KCNH7: variants seen among roughly 807,000 people sequenced by gnomAD.
KCNH7 encodes potassium voltage-gated channel subfamily H member 7, also known as voltage-gated inwardly rectifying potassium channel KCNH7.
In KCNH7, 49 loss-of-function variants were observed where a neutral mutation model predicts 120.8. That is an observed-to-expected ratio of 0.41 (90% CI 0.32 to 0.51). The LOEUF (loss-of-function observed/expected upper bound fraction) is 0.51, where lower values mean the gene tolerates loss of function less well. KCNH7 is among the 20% of genes least tolerant of loss of function. The probability of loss-of-function intolerance (pLI) is 0.38; values close to 1 mark genes in which losing one functional copy is unlikely to be tolerated. For missense variants in KCNH7, 1,097 were observed against 1,446.6 expected (o/e 0.76, Z 3.92); for synonymous variants, 547 against 516.1 (o/e 1.06, Z -0.81).
At chr2:162,722,805 C>CTTTTTTTTTT (rs370399268) in intron 2 of KCNH7, among the ~76,000 whole-genome samples, 1 of 79,876 alleles carries the variant, frequency 1.3e-5, no homozygotes, top group African/African-American at 7.6e-5. Context: ...TTCATTCATT[C>CTTTTTTTTTT]TTTTTTTCTT....
chr2:162,401,345 T>C (rs1163393911), intron 9 of KCNH7, among the ~76,000 whole-genome samples: 1 of 151,920 alleles, frequency 6.6e-6, no homozygotes, highest in Non-Finnish European at 1.5e-5. Flanking sequence ...ATTTTTATGT[T>C]GACATTCTCC....
intron 2 of KCNH7, among the ~76,000 whole-genome samples, chr2:162,590,104 G>T (rs1440313430): frequency 2.0e-5 from 3 of 152,198 alleles, no homozygotes; most frequent in African/African-American, 7.2e-5. Flanking sequence ...CAAGTCGGGG[G>T]CAGAAGAGGG....
At chr2:162,661,263 C>T (rs913975616) in intron 2 of KCNH7, among the ~76,000 whole-genome samples, 1 of 152,012 alleles carries the variant, frequency 6.6e-6, no homozygotes, top group Admixed American at 6.6e-5. Context: ...ATTTTTATCC[C>T]TCAAATTTTC....
At chr2:162,549,555 G>A (rs1406734132) in intron 2 of KCNH7, among the ~76,000 whole-genome samples, 6 of 152,170 alleles carry the variant, frequency 3.9e-5, no homozygotes, top group African/African-American at 7.2e-5. Flanking sequence ...ACTATGGTAA[G>A]CCACTGGGAG....
At chr2:162,834,784 T>A (rs1685596928) in intron 2 of KCNH7, among the ~76,000 whole-genome samples, 1 of 152,078 alleles carries the variant, frequency 6.6e-6, no homozygotes, top group Non-Finnish European at 1.5e-5. Context: ...AATAGATAAC[T>A]CCTACTTGAA....
At chr2:162,447,064 C>T (rs568044028) in intron 6 of KCNH7, among the ~76,000 whole-genome samples, 153 of 151,992 alleles carry the variant, frequency 1.0e-3, no homozygotes, top group African/African-American at 3.3e-3. Context: ...TTTGATATTC[C>T]GGGACAAATA....
intron 2 of KCNH7, among the ~76,000 whole-genome samples, chr2:162,541,674 T>C (rs1051238948): frequency 2.0e-5 from 3 of 151,966 alleles, no homozygotes; most frequent in African/African-American, 7.3e-5. Flanking sequence ...GAACAACACA[T>C]ACTGAGGCCT....
intron 2 of KCNH7, among the ~76,000 whole-genome samples, chr2:162,728,057 T>C (rs1449796151): frequency 6.6e-6 from 1 of 152,200 alleles, no homozygotes; most frequent in African/African-American, 2.4e-5. Flanking sequence ...CTGTGTCATA[T>C]GATATGTGAA....
chr2:162,838,232 C>G (rs1330488214), intron 1 of KCNH7, among the ~76,000 whole-genome samples: 1 of 152,232 alleles, frequency 6.6e-6, no homozygotes, highest in South Asian at 2.1e-4. Context: ...ATCAAATTGC[C>G]TCCTATAATG....
At chr2:162,654,581 G>C (rs1002080570) in intron 2 of KCNH7, among the ~76,000 whole-genome samples, 1 of 152,066 alleles carries the variant, frequency 6.6e-6, no homozygotes, top group Admixed American at 6.5e-5. Context: ...TATAAAAAAT[G>C]GTATGGAAGT....
intron 13 of KCNH7, among the ~76,000 whole-genome samples, chr2:162,381,937 G>A (rs905168354): frequency 2.6e-5 from 4 of 152,018 alleles, no homozygotes; most frequent in Admixed American, 6.6e-5. Context: ...GCAAACTTCC[G>A]GAATACCTAT....
At chr2:162,536,174 A>C (rs546211291) in intron 3 of KCNH7, among the ~76,000 whole-genome samples, 16 of 151,980 alleles carry the variant, frequency 1.1e-4, no homozygotes, top group African/African-American at 3.9e-4. Context: ...TTACCAAAAA[A>C]CCCTTTAAAT....
At chr2:162,681,665 T>G (rs1053615735) in intron 2 of KCNH7, among the ~76,000 whole-genome samples, 1 of 151,804 alleles carries the variant, frequency 6.6e-6, no homozygotes, top group African/African-American at 2.4e-5. Flanking sequence ...ATGTTACAGG[T>G]TTTATAGTTT....
chr2:162,830,795 A>G (rs62171423), intron 2 of KCNH7, among the ~76,000 whole-genome samples: 10,832 of 152,240 alleles, frequency 0.071, 419 homozygotes, highest in South Asian at 0.11. Flanking sequence ...GTGAGACCAC[A>G]GCAACAAAGT....
intron 2 of KCNH7, among the ~76,000 whole-genome samples, chr2:162,577,291 GTCTA>G (rs201620270): frequency 0.24 from 31,043 of 127,316 alleles, 4,153 homozygotes; most frequent in Non-Finnish European, 0.34. Context: ...AGATCTATCT[GTCTA>G]TCTATCTATC....
intron 6 of KCNH7, among the ~76,000 whole-genome samples, chr2:162,482,081 T>C (rs1689948610): frequency 6.6e-6 from 1 of 152,110 alleles, no homozygotes; most frequent in South Asian, 2.1e-4. Flanking sequence ...CACAAAGCAG[T>C]ATGGAAATAA....
intron 2 of KCNH7, among the ~76,000 whole-genome samples, chr2:162,646,426 C>G (rs1396012335): frequency 6.6e-6 from 1 of 152,202 alleles, no homozygotes; most frequent in South Asian, 2.1e-4. Context: ...AGAACGGCCC[C>G]TTCCCTCAAA....
intron 6 of KCNH7, among the ~76,000 whole-genome samples, chr2:162,459,822 G>A (rs1050490399): frequency 4.6e-5 from 7 of 152,110 alleles, no homozygotes; most frequent in South Asian, 2.1e-4. Context: ...GAGGCCGGGC[G>A]CAGTGGCTCA....
chr2:162,652,522 A>C (rs779241123), intron 2 of KCNH7, among the ~76,000 whole-genome samples: 23 of 152,142 alleles, frequency 1.5e-4, no homozygotes, highest in Admixed American at 7.9e-4. Flanking sequence ...AGATCCTCTC[A>C]TGAGGAGCAC....
Sources: gnomAD v4.1 joint callset for allele counts (sites outside exome capture counted in the v4.1 genomes callset) on GRCh38, gnomAD v4.1.1 for gene constraint, MANE v1.5 for transcripts, NCBI Gene and HGNC (gene_info 2026-07-23, HGNC 2026-07-21) for gene names.